MYBPC1: variants seen among roughly 807,000 people sequenced by gnomAD.
MYBPC1 encodes the protein myosin binding protein C1, also known as myosin-binding protein C, slow-type.
Under a neutral mutation model 147.1 loss-of-function variants are expected in MYBPC1, and 52 were observed. The ratio of observed to expected loss-of-function variants is 0.35; its 90% CI spans 0.28 to 0.45. The LOEUF is 0.45. MYBPC1 is among the 20% of genes least tolerant of loss of function. MYBPC1 has a pLI of 1.00. For missense variants in MYBPC1, 1,228 were observed against 1,440.3 expected (o/e 0.85, Z 2.39); for synonymous variants, 477 against 475.9 (o/e 1.00, Z -0.03).
chr12:101,685,678 A>G lies in MYBPC1; in HGVS notation c.*116A>G. The G allele has an allele frequency of 6.6e-7, 1 of 1,515,556 alleles. No individual in the cohort carries two copies. Among genetic ancestry groups the G allele is most frequent in the Non-Finnish European group, 8.9e-7 (1 of 1,128,638 alleles). The allele number at this position is 1,515,556 out of a possible 1,614,324, so 93.9% of individuals were successfully genotyped here. A position where few individuals can be genotyped will look rare whatever the true frequency, so the allele number is the denominator to read the frequency against. ...TTACACTCAAGCAATCCTGAGGAAT[A>G]CTGAGGGAGGGCCTGGCTACTGTCT... On this transcript the variant is annotated 3_prime_UTR_variant, in exon 32 of 32. Transcript: ENST00000361466.
At chr12:101,684,346 G>T (rs201792988) in intron 30 of MYBPC1, 36 bp from the exon 31 acceptor site, 1 of 1,522,730 alleles carries the variant, frequency 6.6e-7, no homozygotes, top group Middle Eastern at 1.7e-4. Flanking sequence ...TAATGCTTAC[G>T]ACTTCTCTCT....
At chr12:101,622,948 TC>T (rs1230283680) in intron 3 of MYBPC1, among the ~76,000 whole-genome samples, 1 of 152,216 alleles carries the variant, frequency 6.6e-6, no homozygotes, top group Non-Finnish European at 1.5e-5. Context: ...TCATATGTAT[TC>T]CTTCATGGTC....
rs1013182044 is a variant in MYBPC1 at position 101,595,091 on chromosome 12, A to G, written c.21A>G (p.Lys7=). The G allele has an allele frequency of 6.2e-7, 1 of 1,612,446 alleles. No homozygotes were observed. The highest frequency in any genetic ancestry group is 8.5e-7 in the Non-Finnish European group (1 of 1,178,666). Reference sequence around the variant, plus strand: ...TGGCCATGCCAGAACCCACTAAGAAAGAGGGTAAGACTTATCTAGAAATCT... The same window carrying G: ...TGGCCATGCCAGAACCCACTAAGAAGGAGGGTAAGACTTATCTAGAAATCT... MPEPTK[K]EENEVPAPAP... Residue 7 remains lysine (K), a synonymous_variant, in exon 1 of 32, where the codon AAA becomes AAG. Transcript: ENST00000361466.
chr12:101,667,846 G>A lies in MYBPC1; in HGVS notation c.2471G>A (p.Gly824Asp). The A allele has an allele frequency of 6.2e-7, 1 of 1,614,170 alleles. No homozygotes were observed. The highest frequency in any genetic ancestry group is 8.5e-7 in the Non-Finnish European group (1 of 1,180,032). ...FVRVKAVNAA[G>D]ASEPKYYSQP... ...CGTGTGAAGGCTGTTAATGCAGCTG[G>A]TGCCAGCGAGCCCAAGTACTATTCT... The change falls in exon 23 of 32, where the codon GGT becomes GAT. Residue 824 changes from glycine (G) to aspartate (D), a missense_variant. Physicochemically the swap from Gly to Asp is moderately conservative, Grantham distance 94 (BLOSUM62 -1). Transcript: ENST00000361466.
At position 101,617,259 on chromosome 12, in the gene MYBPC1, G is replaced by C. The variant is rs1469634207; in HGVS notation, c.103+16G>C. 6.2e-7 allele frequency: 1 copy of C among 1,613,272 alleles called. No homozygotes were observed. Among genetic ancestry groups the C allele is most frequent in the Admixed American group, 1.7e-5 (1 of 59,894 alleles). ...CCAGCAAAAGGTGAGTTGGAGGGAG[G>C]GAGAGTGAGGCTGAAGTCAACAAAA... On this transcript the variant is annotated intron_variant, in intron 3 of 31. Transcript: ENST00000361466.
chr12:101,643,168 C>G (rs1892413232), intron 11 of MYBPC1, among the ~76,000 whole-genome samples: 2 of 152,144 alleles, frequency 1.3e-5, no homozygotes, highest in African/African-American at 4.8e-5. Context: ...TATGACACAT[C>G]AGGTTAGTAA....
chr12:101,627,633 G>A (rs1888916088), intron 4 of MYBPC1, 136 bp from the exon 5 acceptor site: 1 of 921,856 alleles, frequency 1.1e-6, no homozygotes, highest in African/African-American at 1.6e-5. Context: ...TTCCATCCAA[G>A]CCAACTTGTA....
At chr12:101,628,597 C>T (rs1469487308) in intron 5 of MYBPC1, among the ~76,000 whole-genome samples, 1 of 151,988 alleles carries the variant, frequency 6.6e-6, no homozygotes, top group Non-Finnish European at 1.5e-5. Flanking sequence ...CATTTTTTTC[C>T]AGTTACTAAA....
chr12:101,625,882 G>A (rs1158643913), intron 3 of MYBPC1, among the ~76,000 whole-genome samples: 1 of 151,796 alleles, frequency 6.6e-6, no homozygotes, highest in South Asian at 2.1e-4. Context: ...TCGAGAGATC[G>A]AGACCACCCT....
chr12:101,597,716 G>A (rs1438733115), intron 1 of MYBPC1, among the ~76,000 whole-genome samples: 6 of 152,148 alleles, frequency 3.9e-5, no homozygotes, highest in Admixed American at 6.6e-5. Context: ...ACTTCCCATT[G>A]TTCTACTTTC....
intron 28 of MYBPC1, 139 bp downstream of exon 28, chr12:101,678,377 GA>G: frequency 8.1e-7 from 1 of 1,227,146 alleles, no homozygotes; most frequent in Non-Finnish European, 1.2e-6. Context: ...AGTGGTGGTA[GA>G]TTATTAGGCA....
In MYBPC1 at chr12:101,651,474, G is replaced by T. The variant is rs1403949098; in HGVS notation, c.1526+81G>T. 3.2e-6 allele frequency: 5 copies of T among 1,558,648 alleles called. No individual in the cohort carries two copies. In the African/African-American group the frequency reaches 6.8e-5, roughly 21 times the overall value. On this transcript the variant is annotated intron_variant, in intron 16 of 31. Transcript: ENST00000361466. ...TTTTCTAAATTACATATTTGGTGAG[G>T]ATATTTGAAGGGTAGCCATAGGGAG...
intron 10 of MYBPC1, among the ~76,000 whole-genome samples, chr12:101,638,086 T>G (rs1380260348): frequency 6.6e-6 from 1 of 152,210 alleles, no homozygotes; most frequent in East Asian, 1.9e-4. Flanking sequence ...AAGTTTCCCT[T>G]TTATGAGTCA....
chr12:101,617,081 T>C, intron 2 of MYBPC1, 121 bp from the exon 3 acceptor site: 1 of 825,304 alleles, frequency 1.2e-6, no homozygotes, highest in South Asian at 1.5e-5. Context: ...GAGTATTCAG[T>C]ATCATTTATG....
At chr12:101,667,600 A>AAAGTCAT (rs1897726626) in intron 22 of MYBPC1, 132 bp from the exon 23 acceptor site, 3 of 1,098,334 alleles carry the variant, frequency 2.7e-6, no homozygotes, top group Non-Finnish European at 4.1e-6. Context: ...AGTCCAGACC[A>AAAGTCAT]AAGTCATAAT....
chr12:101,623,559 A>C (rs1235381089), intron 3 of MYBPC1, among the ~76,000 whole-genome samples: 1 of 152,244 alleles, frequency 6.6e-6, no homozygotes, highest in African/African-American at 2.4e-5. Flanking sequence ...TGCTCTGTGC[A>C]CAAACAAAAA....
In MYBPC1 at chr12:101,666,890, T is replaced by TACAC. The variant is rs148269135; in HGVS notation, c.2357-839_2357-838insCACA. 0.19 allele frequency: 85,023 copies of TACAC among 448,092 alleles called. 9,078 individuals are homozygous for TACAC. Among genetic ancestry groups the TACAC allele is most frequent in the Admixed American group, 0.31 (11,163 of 35,526 alleles). 27.8% of individuals were successfully genotyped at this position (448,092 alleles called of 1,614,324 possible). On this transcript the variant is annotated intron_variant, in intron 22 of 31. Coordinates refer to ENST00000361466, the MANE Select transcript of MYBPC1 (RefSeq NM_002465.4). ...CCAAGCATGAAGAATACTCATCACA[T>TACAC]ACATACACACACACACACACACACA...
chr12:101,636,129 T>TTA (rs1890939813), intron 9 of MYBPC1, among the ~76,000 whole-genome samples: 1 of 152,230 alleles, frequency 6.6e-6, no homozygotes, highest in African/African-American at 2.4e-5. Flanking sequence ...AATTTCTGTG[T>TTA]TAGCTCCTTT....
chr12:101,599,883 T>G (rs550553416), intron 1 of MYBPC1, among the ~76,000 whole-genome samples: 104 of 152,298 alleles, frequency 6.8e-4, no homozygotes, highest in African/African-American at 2.4e-3. Flanking sequence ...AGCTCTGTGT[T>G]GTAAGAAGGA....
Sources: gnomAD v4.1 joint callset for allele counts (sites outside exome capture counted in the v4.1 genomes callset) on GRCh38, gnomAD v4.1.1 for gene constraint, MANE v1.5 for transcripts, NCBI Gene and HGNC (gene_info 2026-07-23, HGNC 2026-07-21) for gene names.